The following GPC6 variants were observed in gnomAD, a reference collection of about 807,000 sequenced individuals.
The protein encoded by GPC6 is glypican 6.
Under a neutral mutation model 55.2 loss-of-function variants are expected in GPC6, and 14 were observed. That is an observed-to-expected ratio of 0.25 (90% CI 0.17 to 0.40). The LOEUF is 0.40. Among genes scored for constraint, GPC6 ranks in the 10% least tolerant of loss-of-function variants. The pLI is 1.00. For missense variants in GPC6, 641 were observed against 708.5 expected, an observed-to-expected ratio of 0.90 and a Z score of 1.08; for synonymous variants, 278 against 259.6, an observed-to-expected ratio of 1.07 and a Z score of -0.68.
intron 2 of GPC6, among the ~76,000 whole-genome samples, chr13:93,827,580 A>C (rs950534898): frequency 6.6e-6 from 1 of 152,240 alleles, no homozygotes; most frequent in Admixed American, 6.5e-5. Context: ...CTATGAGATC[A>C]GTAAACCATG....
At chr13:93,835,220 G>A (rs780641352) in intron 3 of GPC6, among the ~76,000 whole-genome samples, 9 of 152,108 alleles carry the variant, frequency 5.9e-5, no homozygotes, top group East Asian at 1.9e-4. Flanking sequence ...TGAGGAGGCC[G>A]AGGCAGGTAG....
intron 6 of GPC6, among the ~76,000 whole-genome samples, chr13:94,332,340 C>T (rs1335282796): frequency 6.6e-6 from 1 of 152,008 alleles, no homozygotes; most frequent in African/African-American, 2.4e-5. Context: ...AAATGGTGCT[C>T]CTAGATCTGC....
chr13:94,389,705 C>T (rs1324733511), intron 7 of GPC6, among the ~76,000 whole-genome samples: 1 of 152,152 alleles, frequency 6.6e-6, no homozygotes, highest in Admixed American at 6.6e-5. Context: ...GTCTGAGAGC[C>T]AAGTCCCACT....
At chr13:94,193,522 C>A (rs1889466810) in intron 4 of GPC6, among the ~76,000 whole-genome samples, 1 of 152,080 alleles carries the variant, frequency 6.6e-6, no homozygotes, top group African/African-American at 2.4e-5. Context: ...GGATGCTCTT[C>A]GAGTGTGCTG....
chr13:93,389,774 T>C (rs140708874), intron 1 of GPC6, among the ~76,000 whole-genome samples: 85 of 152,134 alleles, frequency 5.6e-4, no homozygotes, highest in East Asian at 1.4e-3. Context: ...TTTATTTACA[T>C]ATAAATGTCT....
intron 3 of GPC6, among the ~76,000 whole-genome samples, chr13:93,850,470 A>G (rs1031020352): frequency 1.3e-5 from 2 of 151,966 alleles, no homozygotes; most frequent in Non-Finnish European, 2.9e-5. Context: ...ATATCAACAG[A>G]AGCATAAATT....
chr13:93,667,257 C>T (rs1881176004), intron 2 of GPC6, among the ~76,000 whole-genome samples: 1 of 151,704 alleles, frequency 6.6e-6, no homozygotes, highest in South Asian at 2.1e-4. Context: ...TTTCAGAAGC[C>T]ATGTTATGTG....
rs145016674 is a variant in GPC6, at chr13:93,403,007, A to G, written c.161-142256A>G. ...AATTAGGAAAAATACACATTTATAA[A>G]TCTAATTCTCTAACCACTTAAGAGT... is the stretch of plus-strand genomic sequence containing the variant. On this transcript the variant is annotated intron_variant, in intron 1 of 8. Transcript: ENST00000377047. 3.3e-5 allele frequency among the ~76,000 whole-genome samples: 5 copies of G among 152,296 alleles called. 1 individual carries two copies. The highest frequency in any genetic ancestry group is 9.6e-5 in the African/African-American group (4 of 41,568).
chr13:94,227,352 T>G (rs1890590357), intron 4 of GPC6, among the ~76,000 whole-genome samples: 1 of 152,168 alleles, frequency 6.6e-6, no homozygotes, highest in Non-Finnish European at 1.5e-5. Flanking sequence ...AAAAAATCAC[T>G]TAAAAAATTC....
chr13:93,316,392 T>C (rs1281265039), intron 1 of GPC6, among the ~76,000 whole-genome samples: 1 of 152,080 alleles, frequency 6.6e-6, no homozygotes, highest in Admixed American at 6.6e-5. Flanking sequence ...TCAAGCCAAA[T>C]GTCTGGGACA....
chr13:93,449,945 G>A (rs537468451), intron 1 of GPC6, among the ~76,000 whole-genome samples: 2 of 150,750 alleles, frequency 1.3e-5, no homozygotes, highest in Admixed American at 6.6e-5. Flanking sequence ...TCTTTGAGAC[G>A]GTGTCTCGCT....
intron 4 of GPC6, among the ~76,000 whole-genome samples, chr13:94,236,614 C>G (rs1163771354): frequency 1.3e-5 from 2 of 152,082 alleles, no homozygotes; most frequent in African/African-American, 4.8e-5. Context: ...GTGAGGCGAT[C>G]AGGGAAAACT....
chr13:94,343,041 G>T (rs1166712293), intron 6 of GPC6, among the ~76,000 whole-genome samples: 1 of 152,178 alleles, frequency 6.6e-6, no homozygotes, highest in Non-Finnish European at 1.5e-5. Flanking sequence ...CTGATTAAAA[G>T]TGAGAAAGGC....
At chr13:93,952,589 T>G (rs989679997) in intron 3 of GPC6, among the ~76,000 whole-genome samples, 71 of 151,950 alleles carry the variant, frequency 4.7e-4, no homozygotes, top group African/African-American at 1.7e-3. Flanking sequence ...AACACTTATA[T>G]GTGATGTATA....
At chr13:93,338,374 AT>A (rs1156290177) in intron 1 of GPC6, among the ~76,000 whole-genome samples, 2 of 152,142 alleles carry the variant, frequency 1.3e-5, no homozygotes, top group African/African-American at 4.8e-5. Context: ...GGAAGTTTGG[AT>A]TTTCTCTTCT....
chr13:93,945,323 T>A (rs1399485359), intron 3 of GPC6, among the ~76,000 whole-genome samples: 1 of 152,218 alleles, frequency 6.6e-6, no homozygotes, highest in African/African-American at 2.4e-5. Context: ...TTTACCCAAC[T>A]GAGAATAAGG....
intron 3 of GPC6, among the ~76,000 whole-genome samples, chr13:93,835,811 C>A (rs549289611): frequency 6.6e-5 from 10 of 152,006 alleles, no homozygotes; most frequent in Admixed American, 2.6e-4. Flanking sequence ...TATGAGTAAA[C>A]GCTGTAAATT....
At chr13:93,682,187 G>A (rs1881868001) in intron 2 of GPC6, among the ~76,000 whole-genome samples, 2 of 152,160 alleles carry the variant, frequency 1.3e-5, no homozygotes, top group Non-Finnish European at 2.9e-5. Flanking sequence ...GCAGACTTAA[G>A]ATGAAAATGC....
intron 1 of GPC6, among the ~76,000 whole-genome samples, chr13:93,253,283 A>C (rs1383089461): frequency 6.6e-6 from 1 of 152,204 alleles, no homozygotes; most frequent in Non-Finnish European, 1.5e-5. Context: ...CTGCCTTTTG[A>C]ATGATCTATT....
Sources: allele counts gnomAD v4.1 joint callset (sites outside exome capture counted in the v4.1 genomes callset), GRCh38; gene constraint gnomAD v4.1.1; transcripts MANE v1.5; gene names NCBI Gene and HGNC (gene_info 2026-07-23, HGNC 2026-07-21).